Variants in PELI2 observed in about 807,000 individuals in gnomAD.
The protein encoded by PELI2 is pellino E3 ubiquitin protein ligase family member 2.
Under a neutral mutation model 42.3 loss-of-function variants are expected in PELI2, and 23 were observed. The ratio of observed to expected loss-of-function variants is 0.54; its 90% CI spans 0.39 to 0.77. The LOEUF (loss-of-function observed/expected upper bound fraction) is 0.77, where lower values mean the gene tolerates loss of function less well. Ranked by LOEUF, PELI2 falls within the 30% of genes least tolerant of loss-of-function variation. The probability of loss-of-function intolerance (pLI) is 0.00; values close to 1 mark genes in which losing one functional copy is unlikely to be tolerated. For synonymous variants in PELI2, 245 were observed against 212.2 expected (o/e 1.15, Z -1.34); for missense variants, 463 against 553.2 (o/e 0.84, Z 1.64).
intron 1 of PELI2, among the ~76,000 whole-genome samples, chr14:56,130,659 T>G (rs1883451973): frequency 6.6e-6 from 1 of 152,128 alleles, no homozygotes; most frequent in South Asian, 2.1e-4. Context: ...AAATGTCTGT[T>G]TTTGAGGAAA....
intron 1 of PELI2, among the ~76,000 whole-genome samples, chr14:56,176,582 C>A (rs573092768): frequency 6.6e-6 from 1 of 152,162 alleles, no homozygotes; most frequent in Non-Finnish European, 1.5e-5. Context: ...AGCCTGCGTT[C>A]CATGGGACTG....
At chr14:56,283,068 A>T (rs889635481) in intron 3 of PELI2, among the ~76,000 whole-genome samples, 1 of 152,186 alleles carries the variant, frequency 6.6e-6, no homozygotes. Context: ...AAATTCCTTT[A>T]AGAAGAATCT....
chr14:56,121,398 T>C (rs1883054414), intron 1 of PELI2, among the ~76,000 whole-genome samples: 1 of 152,220 alleles, frequency 6.6e-6, no homozygotes, highest in Non-Finnish European at 1.5e-5. Flanking sequence ...TACACAGTAT[T>C]ATTAAGAGAT....
rs576228075 is a variant in PELI2 at position 56,194,178 on chromosome 14, A to G, written c.207+15714A>G. Among the ~76,000 whole-genome samples the G allele has an allele frequency of 8.5e-5, 13 of 152,258 alleles. No individual in the cohort carries two copies. The South Asian group carries it at 2.7e-3, about 32-fold the overall frequency. On this transcript the variant is annotated intron_variant, in intron 2 of 5. Transcript: ENST00000267460. Reference sequence around the variant, plus strand: ...TTACCTGGAAGCTGGGGCCCTGACTATGAATACACAGTTTACTTCCCACTC... The same window carrying G: ...TTACCTGGAAGCTGGGGCCCTGACTGTGAATACACAGTTTACTTCCCACTC...
At chr14:56,276,557 C>T (rs929565519) in intron 2 of PELI2, among the ~76,000 whole-genome samples, 4 of 152,168 alleles carry the variant, frequency 2.6e-5, no homozygotes, top group African/African-American at 9.7e-5. Flanking sequence ...GAAGTGACTT[C>T]GAGGTGACTA....
At chr14:56,272,920 A>T (rs953780593) in intron 2 of PELI2, among the ~76,000 whole-genome samples, 1 of 152,192 alleles carries the variant, frequency 6.6e-6, no homozygotes, top group Non-Finnish European at 1.5e-5. Context: ...GTCTTGGGTG[A>T]TGAGTCACAT....
intron 2 of PELI2, among the ~76,000 whole-genome samples, chr14:56,233,360 C>T (rs944830327): frequency 1.3e-5 from 2 of 152,168 alleles, no homozygotes; most frequent in Non-Finnish European, 2.9e-5. Flanking sequence ...AACTGTACTA[C>T]AAGTTTACAG....
intron 2 of PELI2, among the ~76,000 whole-genome samples, chr14:56,238,256 G>A (rs956999001): frequency 2.6e-5 from 4 of 152,090 alleles, no homozygotes; most frequent in African/African-American, 9.7e-5. Context: ...CTTTTAAAAT[G>A]TTATATTTTA....
intron 2 of PELI2, among the ~76,000 whole-genome samples, chr14:56,204,371 G>C (rs932804699): frequency 6.6e-6 from 1 of 152,178 alleles, no homozygotes; most frequent in African/African-American, 2.4e-5. Context: ...TCAGTCCTTA[G>C]GTTGTCTTGA....
At chr14:56,290,775 T>A (rs564235500) in intron 5 of PELI2, among the ~76,000 whole-genome samples, 2 of 152,230 alleles carry the variant, frequency 1.3e-5, no homozygotes, top group African/African-American at 2.4e-5. Context: ...TTATTTTTAG[T>A]GTAAAACTTT....
In PELI2 at chr14:56,222,413, T is replaced by C. The variant is rs201289844; in HGVS notation, c.207+43949T>C. On this transcript the variant is annotated intron_variant, in intron 2 of 5. Transcript: ENST00000267460. Reference sequence around the variant, plus strand: ...ATTGTTAGGTGAACCAAGTGTTGAATGGTACTTTACAAAGGTAAGAACATT... The same window carrying C: ...ATTGTTAGGTGAACCAAGTGTTGAACGGTACTTTACAAAGGTAAGAACATT... Among the ~76,000 whole-genome samples the C allele has an allele frequency of 8.5e-5, 13 of 152,356 alleles. No homozygotes were observed. The East Asian group carries it at 2.3e-3, about 27-fold the overall frequency.
intron 1 of PELI2, among the ~76,000 whole-genome samples, chr14:56,121,081 A>C (rs1766516922): frequency 6.6e-6 from 1 of 152,218 alleles, no homozygotes; most frequent in African/African-American, 2.4e-5. Flanking sequence ...ACATAGAATT[A>C]ATATCATCTT....
intron 1 of PELI2, among the ~76,000 whole-genome samples, chr14:56,166,688 A>G (rs1291397399): frequency 6.6e-6 from 1 of 151,498 alleles, no homozygotes; most frequent in African/African-American, 2.4e-5. Flanking sequence ...ATGTCATGCT[A>G]CTCTTCTCTG....
chr14:56,130,244 T>G (rs1883435260), intron 1 of PELI2, among the ~76,000 whole-genome samples: 1 of 152,166 alleles, frequency 6.6e-6, no homozygotes, highest in African/African-American at 2.4e-5. Context: ...TATTCGTGTG[T>G]GGCCTCTTTA....
At chr14:56,266,977 A>G (rs1319910294) in intron 2 of PELI2, among the ~76,000 whole-genome samples, 1 of 152,092 alleles carries the variant, frequency 6.6e-6, no homozygotes, top group East Asian at 1.9e-4. Context: ...TGTATGCAGT[A>G]TGCTATCATT....
At chr14:56,279,534 G>C (rs970455390) in intron 2 of PELI2, 142 bp from the exon 3 acceptor site, 3 of 478,642 alleles carry the variant, frequency 6.3e-6, no homozygotes, top group Non-Finnish European at 1.1e-5. Flanking sequence ...ACGGAATAGA[G>C]CATAGGGGAA....
chr14:56,182,558 T>C (rs1022618570), intron 2 of PELI2, among the ~76,000 whole-genome samples: 3 of 152,178 alleles, frequency 2.0e-5, no homozygotes, highest in Non-Finnish European at 4.4e-5. Flanking sequence ...AATGTCCTTT[T>C]TTGGATATTT....
chr14:56,284,455 T>C (rs564409595), intron 3 of PELI2, among the ~76,000 whole-genome samples: 5 of 152,300 alleles, frequency 3.3e-5, no homozygotes, highest in African/African-American at 1.2e-4. Flanking sequence ...CAGCCGGTGT[T>C]CAGGGGCCCT....
intron 2 of PELI2, among the ~76,000 whole-genome samples, chr14:56,229,758 T>A (rs1887491809): frequency 1.3e-5 from 2 of 152,320 alleles, no homozygotes; most frequent in Admixed American, 1.3e-4. Flanking sequence ...TTTCACGAGT[T>A]GACAGAAGTG....
Sources: allele counts gnomAD v4.1 joint callset (sites outside exome capture counted in the v4.1 genomes callset), GRCh38; gene constraint gnomAD v4.1.1; transcripts MANE v1.5; gene names NCBI Gene and HGNC (gene_info 2026-07-23, HGNC 2026-07-21).